The following HIP1 variants were observed in gnomAD, a reference collection of about 807,000 sequenced individuals.
HIP1 encodes huntingtin interacting protein 1.
Under a neutral mutation model 147.6 loss-of-function variants are expected in HIP1, and 65 were observed. That is an observed-to-expected ratio of 0.44 (90% CI 0.36 to 0.54). The LOEUF is 0.54. Among genes scored for constraint, HIP1 ranks in the 20% least tolerant of loss-of-function variants. HIP1 has a pLI of 0.00. For synonymous variants in HIP1, 479 were observed against 504.0 expected (o/e 0.95, Z 0.67); for missense variants, 1,061 against 1,299.6 (o/e 0.82, Z 2.82).
chr7:75,573,461 G>T (rs1397572575), intron 8 of HIP1, among the ~76,000 whole-genome samples: 1 of 152,074 alleles, frequency 6.6e-6, no homozygotes, highest in Non-Finnish European at 1.5e-5. Context: ...CCTGGATGCC[G>T]AACAAGAACT....
chr7:75,680,112 A>G (rs1418179490), intron 1 of HIP1, among the ~76,000 whole-genome samples: 2 of 152,138 alleles, frequency 1.3e-5, no homozygotes, highest in African/African-American at 4.8e-5. Flanking sequence ...GCACGATCTC[A>G]GCTCACTGTA....
chr7:75,566,453 T>C (rs1554495504), intron 9 of HIP1, among the ~76,000 whole-genome samples: 6 of 151,508 alleles, frequency 4.0e-5, no homozygotes, highest in Admixed American at 3.3e-4. Flanking sequence ...CTTTTAATTA[T>C]ATGTAAATTA....
At chr7:75,604,810 C>A (rs1431064195) in intron 1 of HIP1, among the ~76,000 whole-genome samples, 1 of 152,156 alleles carries the variant, frequency 6.6e-6, no homozygotes, top group Non-Finnish European at 1.5e-5. Context: ...TACTGCTTGA[C>A]CAATTGCTCA....
At chr7:75,685,700 C>G (rs936777339) in intron 1 of HIP1, among the ~76,000 whole-genome samples, 2 of 152,184 alleles carry the variant, frequency 1.3e-5, no homozygotes, top group Admixed American at 6.5e-5. Flanking sequence ...AGGCACCCGC[C>G]ACCACGCCCG....
chr7:75,547,906 C>A (rs1357667047), intron 23 of HIP1, 93 bp from the exon 24 acceptor site: 13 of 1,140,368 alleles, frequency 1.1e-5, no homozygotes, highest in Non-Finnish European at 1.6e-5. Context: ...CGTGTGGTAG[C>A]TGGGAAACCT....
At chr7:75,615,602 T>C (rs1471072236) in intron 1 of HIP1, among the ~76,000 whole-genome samples, 1 of 152,076 alleles carries the variant, frequency 6.6e-6, no homozygotes, top group Non-Finnish European at 1.5e-5. Context: ...AAGACTGTAC[T>C]ACTCCTTCCT....
At chr7:75,684,317 G>A (rs1250702310) in intron 1 of HIP1, among the ~76,000 whole-genome samples, 7 of 151,600 alleles carry the variant, frequency 4.6e-5, no homozygotes, top group Non-Finnish European at 7.4e-5. Flanking sequence ...GTGTGGTGGC[G>A]CGCAACTATA....
At chr7:75,634,052 T>C (rs1554509307) in intron 1 of HIP1, among the ~76,000 whole-genome samples, 1 of 151,892 alleles carries the variant, frequency 6.6e-6, no homozygotes, top group African/African-American at 2.4e-5. Context: ...GCCCAGGAGT[T>C]CTAGACCATA....
chr7:75,624,195 G>T (rs587746527), intron 1 of HIP1, among the ~76,000 whole-genome samples: 2 of 152,310 alleles, frequency 1.3e-5, no homozygotes, highest in Admixed American at 6.5e-5. Context: ...CACGGAATCA[G>T]GCAGGCAGAG....
At chr7:75,672,648 G>A (rs1275430507) in intron 1 of HIP1, among the ~76,000 whole-genome samples, 4 of 152,086 alleles carry the variant, frequency 2.6e-5, no homozygotes, top group Non-Finnish European at 5.9e-5. Context: ...TCTCGACAGT[G>A]TCCTTTGAAG....
At chr7:75,655,616 A>G (rs578201561) in intron 1 of HIP1, among the ~76,000 whole-genome samples, 4 of 151,754 alleles carry the variant, frequency 2.6e-5, no homozygotes, top group Non-Finnish European at 5.9e-5. Context: ...GAAAAAGACA[A>G]GCAAAGCAAA....
At chr7:75,623,229 A>C (rs1404220756) in intron 1 of HIP1, among the ~76,000 whole-genome samples, 1 of 125,198 alleles carries the variant, frequency 8.0e-6, no homozygotes, top group African/African-American at 3.0e-5. Context: ...AAAAAAAAAA[A>C]GGCTCTCCCC....
At chr7:75,615,201 T>C (rs782393558) in intron 1 of HIP1, among the ~76,000 whole-genome samples, 25 of 152,044 alleles carry the variant, frequency 1.6e-4, no homozygotes, top group Non-Finnish European at 4.4e-5. Context: ...CACCTGCACA[T>C]GGCTGCCAGG....
chr7:75,637,081 T>C (rs1292309490), intron 1 of HIP1, among the ~76,000 whole-genome samples: 1 of 152,166 alleles, frequency 6.6e-6, no homozygotes, highest in African/African-American at 2.4e-5. Context: ...CCTCAAAGCT[T>C]TGGCCTTCTG....
At chr7:75,584,850 CTT>C (rs5884971) in intron 5 of HIP1, among the ~76,000 whole-genome samples, 50 of 142,624 alleles carry the variant, frequency 3.5e-4, no homozygotes, top group African/African-American at 4.6e-4. Context: ...CCATTTAACA[CTT>C]TTTTTTTTTT....
chr7:75,595,984 T>C (rs1286422628), intron 2 of HIP1, among the ~76,000 whole-genome samples: 1 of 152,248 alleles, frequency 6.6e-6, no homozygotes, highest in South Asian at 2.1e-4. Context: ...ACGCCTGTAA[T>C]TGCAGCACTT....
chr7:75,627,003 A>T (rs766684714), intron 1 of HIP1: 1 of 152,204 alleles, frequency 6.6e-6, no homozygotes, highest in South Asian at 2.1e-4. Context: ...ATACCTTTTC[A>T]TATTTTCTGA....
intron 1 of HIP1, among the ~76,000 whole-genome samples, chr7:75,648,579 A>G (rs565567105): frequency 4.6e-5 from 7 of 152,282 alleles, no homozygotes; most frequent in African/African-American, 1.7e-4. Context: ...CGGCTGAGCC[A>G]TATGCGGATG....
chr7:75,699,181 AGTG>A (rs1554518998), intron 1 of HIP1, among the ~76,000 whole-genome samples: 1 of 152,110 alleles, frequency 6.6e-6, no homozygotes, highest in African/African-American at 2.4e-5. Flanking sequence ...CCTGGACTCA[AGTG>A]GTCTCCTGCC....
Sources: allele counts gnomAD v4.1 joint callset (sites outside exome capture counted in the v4.1 genomes callset), GRCh38; gene constraint gnomAD v4.1.1; transcripts MANE v1.5; gene names NCBI Gene and HGNC (gene_info 2026-07-23, HGNC 2026-07-21).